Variants in TRAPPC8 observed in about 807,000 individuals in gnomAD.
TRAPPC8 encodes the protein general sporulation gene 1 homolog.
TRAPPC8 carries 54 observed loss-of-function variants against 174.3 expected under a neutral mutation model. The ratio of observed to expected loss-of-function variants is 0.31; its 90% CI spans 0.25 to 0.39. The LOEUF is 0.39. Among genes scored for constraint, TRAPPC8 ranks in the 10% least tolerant of loss-of-function variants. TRAPPC8 has a pLI of 1.00. For missense variants in TRAPPC8, 1,531 were observed against 1,699.1 expected (o/e 0.90, Z 1.74); for synonymous variants, 630 against 579.9 (o/e 1.09, Z -1.24).
At position 31,902,848 on chromosome 18, in the gene TRAPPC8, G is replaced by C. The variant is rs558323754; in HGVS notation, c.1390-1823C>G. Among the ~76,000 whole-genome samples the C allele has an allele frequency of 7.9e-5, 12 of 152,108 alleles. No individual in the cohort carries two copies. In the East Asian group the frequency reaches 2.3e-3, roughly 29 times the overall value. ...GCGGATCACGATGTCAGGATATCGA[G>C]ACCATCCTGGCTAACACAGTGAAAC... is the stretch of plus-strand genomic sequence containing the variant. On this transcript the variant is annotated intron_variant, in intron 9 of 28. Coordinates refer to ENST00000283351, the MANE Select transcript of TRAPPC8 (RefSeq NM_014939.5).
intron 8 of TRAPPC8, 37 bp from the exon 9 acceptor site, chr18:31,907,647 C>T (rs1192069036): frequency 6.7e-6 from 10 of 1,482,734 alleles, no homozygotes; most frequent in Non-Finnish European, 9.1e-6. Flanking sequence ...TAATTTATTA[C>T]CCCCCAAACC....
chr18:31,897,325 T>C (rs1182769125), intron 11 of TRAPPC8, among the ~76,000 whole-genome samples: 1 of 152,232 alleles, frequency 6.6e-6, no homozygotes, highest in Non-Finnish European at 1.5e-5. Flanking sequence ...ATGTTTAAGA[T>C]GATTTTCTTA....
chr18:31,919,973 GA>G (rs2037315025), intron 2 of TRAPPC8, among the ~76,000 whole-genome samples: 1 of 151,868 alleles, frequency 6.6e-6, no homozygotes. Flanking sequence ...ACACAAATAG[GA>G]AACTAATCTT....
chr18:31,931,551 AAATT>A (rs2037846547), intron 1 of TRAPPC8, 28 bp from the exon 2 acceptor site: 2 of 1,528,320 alleles, frequency 1.3e-6, no homozygotes, highest in Non-Finnish European at 1.8e-6. Context: ...AAAAAACTTG[AAATT>A]AATTCTATAC....
intron 2 of TRAPPC8, among the ~76,000 whole-genome samples, chr18:31,928,978 C>T (rs757888850): frequency 2.6e-5 from 4 of 151,940 alleles, no homozygotes; most frequent in African/African-American, 7.2e-5. Context: ...GTCAGGAGTT[C>T]GAAACCAGCC....
chr18:31,859,053 A>G (rs1262532160), intron 19 of TRAPPC8, among the ~76,000 whole-genome samples: 2 of 152,180 alleles, frequency 1.3e-5, no homozygotes, highest in Non-Finnish European at 2.9e-5. Flanking sequence ...AGATTGTGCC[A>G]CTGCACTCCA....
intron 12 of TRAPPC8, among the ~76,000 whole-genome samples, chr18:31,879,652 G>T (rs1297344038): frequency 2.0e-5 from 3 of 151,760 alleles, no homozygotes; most frequent in Non-Finnish European, 1.5e-5. Flanking sequence ...TGAGACCAAA[G>T]AAATCATACA....
intron 20 of TRAPPC8, among the ~76,000 whole-genome samples, chr18:31,856,789 A>T (rs2034039296): frequency 6.8e-6 from 1 of 147,866 alleles, no homozygotes; most frequent in Admixed American, 6.8e-5. Context: ...CCCTCCCTTG[A>T]TATTCAAATG....
chr18:31,833,028 G>T (rs2032471340), intron 27 of TRAPPC8, among the ~76,000 whole-genome samples: 1 of 152,078 alleles, frequency 6.6e-6, no homozygotes, highest in Non-Finnish European at 1.5e-5. Flanking sequence ...AACGTCACAG[G>T]TTTCCCTAAA....
At chr18:31,919,308 G>A (rs1363267492) in intron 2 of TRAPPC8, among the ~76,000 whole-genome samples, 3 of 151,982 alleles carry the variant, frequency 2.0e-5, no homozygotes, top group Non-Finnish European at 4.4e-5. Flanking sequence ...CAAGGCAGGC[G>A]GATCACTTAA....
chr18:31,865,502 T>C (rs1320185357), intron 18 of TRAPPC8, among the ~76,000 whole-genome samples: 1 of 152,032 alleles, frequency 6.6e-6, no homozygotes, highest in Non-Finnish European at 1.5e-5. Flanking sequence ...AAATCCTTAT[T>C]AGCATTTTAC....
chr18:31,864,221 T>C (rs1169537304), intron 19 of TRAPPC8, among the ~76,000 whole-genome samples: 3 of 151,708 alleles, frequency 2.0e-5, no homozygotes, highest in African/African-American at 4.8e-5. Flanking sequence ...AAAAGTAGGA[T>C]AGGATGGGAT....
chr18:31,845,368 C>CA (rs1332383028), intron 26 of TRAPPC8, among the ~76,000 whole-genome samples: 1 of 151,516 alleles, frequency 6.6e-6, no homozygotes, highest in Non-Finnish European at 1.5e-5. Context: ...CAAATAGTTA[C>CA]ATGGATGGAA....
chr18:31,899,877 T>G (rs1598703244), intron 10 of TRAPPC8, among the ~76,000 whole-genome samples: 1 of 148,060 alleles, frequency 6.8e-6, no homozygotes, highest in African/African-American at 2.5e-5. Flanking sequence ...ACCTAGGAGG[T>G]GGAGGTAGCA....
At chr18:31,864,881 AG>A in intron 18 of TRAPPC8, 100 bp from the exon 19 acceptor site, 1 of 1,123,726 alleles carries the variant, frequency 8.9e-7, no homozygotes, top group Non-Finnish European at 1.2e-6. Context: ...GATTATTTCT[AG>A]AAAAATTCTA....
At chr18:31,894,311 T>C (rs1844841600) in intron 11 of TRAPPC8, among the ~76,000 whole-genome samples, 1 of 152,176 alleles carries the variant, frequency 6.6e-6, no homozygotes. Flanking sequence ...GAATGACAAC[T>C]GGTATCAGTG....
chr18:31,846,290 A>G (rs1433988962), intron 26 of TRAPPC8, among the ~76,000 whole-genome samples: 1 of 152,138 alleles, frequency 6.6e-6, no homozygotes, highest in African/African-American at 2.4e-5. Context: ...AAACCTGAAC[A>G]TGGCAGTGCG....
intron 6 of TRAPPC8, among the ~76,000 whole-genome samples, chr18:31,909,324 TAACA>T (rs1454701474): frequency 6.6e-6 from 1 of 151,938 alleles, no homozygotes; most frequent in Non-Finnish European, 1.5e-5. Context: ...AGAAAAAATA[TAACA>T]AAAAAAATTT....
At position 31,859,112 on chromosome 18, in the gene TRAPPC8, AAAC is replaced by A. The variant is rs2034191620; in HGVS notation, c.2746-1133_2746-1131del. Among the ~76,000 whole-genome samples, 5 of 152,022 alleles carry A rather than the reference AAAC, an allele frequency of 3.3e-5. No homozygotes were observed. The South Asian group carries it at 6.2e-4, about 19-fold the overall frequency. On this transcript the variant is annotated intron_variant, in intron 19 of 28. Transcript: ENST00000283351. ...CATCTCAAAAAACAAACAAACAAAC[AAAC>A]AAAAAAACAGATATTTAAATGTCAC...
Sources: gnomAD v4.1 joint callset for allele counts (sites outside exome capture counted in the v4.1 genomes callset) on GRCh38, gnomAD v4.1.1 for gene constraint, MANE v1.5 for transcripts, NCBI Gene and HGNC (gene_info 2026-07-23, HGNC 2026-07-21) for gene names.